PANX1: variants seen among roughly 807,000 people sequenced by gnomAD.
PANX1 encodes pannexin 1.
PANX1 carries 30 observed loss-of-function variants against 38.7 expected under a neutral mutation model. The ratio of observed to expected loss-of-function variants is 0.78; its 90% CI spans 0.58 to 1.05. The LOEUF is 1.05. PANX1 is among the 50% of genes least tolerant of loss of function. The pLI is 0.00. For missense variants in PANX1, 551 were observed against 517.2 expected (o/e 1.07, Z -0.63); for synonymous variants, 230 against 212.2 (o/e 1.08, Z -0.73).
chr11:94,163,649 A>G (rs1347075164), intron 2 of PANX1, among the ~76,000 whole-genome samples: 2 of 152,108 alleles, frequency 1.3e-5, no homozygotes, highest in East Asian at 3.9e-4. Flanking sequence ...GGATTTTTAT[A>G]TCTGTGTTCA....
At chr11:94,137,893 C>T (rs1446407674) in intron 1 of PANX1, among the ~76,000 whole-genome samples, 1 of 32,916 alleles carries the variant, frequency 3.0e-5, no homozygotes, top group Non-Finnish European at 5.2e-5. Flanking sequence ...TAAGTCAAGG[C>T]CATGTTACCA....
At chr11:94,179,556 G>C (rs1476812437) in intron 3 of PANX1, 46 bp from the exon 4 acceptor site, 2 of 1,386,902 alleles carry the variant, frequency 1.4e-6, no homozygotes, top group South Asian at 2.4e-5. Flanking sequence ...AATATTTGAT[G>C]GTCTTGATGA....
chr11:94,138,580 A>G (rs530706519), intron 1 of PANX1, among the ~76,000 whole-genome samples: 251 of 152,330 alleles, frequency 1.6e-3, no homozygotes, highest in Middle Eastern at 6.8e-3. Context: ...ACACAGGCAT[A>G]CAATGTGTAA....
intron 1 of PANX1, among the ~76,000 whole-genome samples, chr11:94,140,861 T>C (rs1260720990): frequency 2.0e-5 from 3 of 152,178 alleles, no homozygotes; most frequent in Admixed American, 6.5e-5. Context: ...ATAACATATT[T>C]TTATGAAAAA....
At chr11:94,178,021 C>G (rs777652357) in intron 2 of PANX1, among the ~76,000 whole-genome samples, 2 of 148,202 alleles carry the variant, frequency 1.3e-5, no homozygotes, top group Non-Finnish European at 3.1e-5. Context: ...CCAGCAGAAG[C>G]CTTCGTGATA....
intron 2 of PANX1, among the ~76,000 whole-genome samples, chr11:94,161,532 A>AT (rs1172014515): frequency 1.3e-5 from 2 of 152,048 alleles, no homozygotes; most frequent in Non-Finnish European, 2.9e-5. Flanking sequence ...AGGCTTGTGC[A>AT]TTTGTCAGGT....
chr11:94,170,165 T>A (rs1442821721), intron 2 of PANX1, among the ~76,000 whole-genome samples: 1 of 151,672 alleles, frequency 6.6e-6, no homozygotes, highest in Non-Finnish European at 1.5e-5. Flanking sequence ...TCTCCTGAAT[T>A]TTTCATCTTC....
chr11:94,144,180 G>A (rs1946798348), intron 1 of PANX1, among the ~76,000 whole-genome samples: 1 of 152,086 alleles, frequency 6.6e-6, no homozygotes, highest in African/African-American at 2.4e-5. Flanking sequence ...GCCTTAAATA[G>A]TCTGTTCCTT....
chr11:94,159,886 T>C (rs1403088550), intron 2 of PANX1, among the ~76,000 whole-genome samples: 10 of 151,846 alleles, frequency 6.6e-5, no homozygotes, highest in Non-Finnish European at 1.2e-4. Flanking sequence ...TTTCCCTCTA[T>C]ACACTGCTTT....
intron 2 of PANX1, among the ~76,000 whole-genome samples, chr11:94,172,645 A>T (rs1591524844): frequency 6.6e-6 from 1 of 151,758 alleles, no homozygotes; most frequent in African/African-American, 2.4e-5. Flanking sequence ...AACAGAGACC[A>T]TGTAGCTCTC....
intron 2 of PANX1, among the ~76,000 whole-genome samples, chr11:94,162,186 A>G (rs1947048711): frequency 6.6e-6 from 1 of 152,212 alleles, no homozygotes; most frequent in South Asian, 2.1e-4. Flanking sequence ...TTGAGGAGGC[A>G]GTCTGTCCAT....
At chr11:94,161,944 A>G (rs890436300) in intron 2 of PANX1, among the ~76,000 whole-genome samples, 7 of 152,018 alleles carry the variant, frequency 4.6e-5, no homozygotes, top group Non-Finnish European at 1.0e-4. Flanking sequence ...AACAGTCAGC[A>G]CCCTCAGCTG....
chr11:94,150,196 G>T (rs1565376447), intron 1 of PANX1, among the ~76,000 whole-genome samples: 1 of 151,924 alleles, frequency 6.6e-6, no homozygotes. Flanking sequence ...ATCATGTAAG[G>T]CATAGATCTG....
At chr11:94,160,611 A>G (rs576546631) in intron 2 of PANX1, among the ~76,000 whole-genome samples, 2 of 152,040 alleles carry the variant, frequency 1.3e-5, no homozygotes, top group South Asian at 2.1e-4. Flanking sequence ...TTTTGAGCCT[A>G]TGTTTGTCTC....
At chr11:94,148,038 G>A (rs767074211) in intron 1 of PANX1, among the ~76,000 whole-genome samples, 3 of 151,986 alleles carry the variant, frequency 2.0e-5, no homozygotes, top group Admixed American at 6.6e-5. Context: ...AGAAAGACCT[G>A]GTGAACCAAT....
chr11:94,175,892 A>G (rs1947227050), intron 2 of PANX1: 2 of 984,668 alleles, frequency 2.0e-6, no homozygotes, highest in Admixed American at 1.2e-4. Context: ...TGTCTTGGTA[A>G]GAGGGCTTTG....
At chr11:94,175,706 T>C (rs882937) in intron 2 of PANX1, 543,185 of 978,256 alleles carry the variant, frequency 0.56, 152,404 homozygotes, top group South Asian at 0.66. Flanking sequence ...GGCACCCTTC[T>C]GATTGGGCAA....
In PANX1 at chr11:94,128,903, A is replaced by C; in HGVS notation, c.-410A>C. On this transcript the variant is annotated 5_prime_UTR_variant, in exon 1 of 5. Transcript: ENST00000227638. ...CGCAGCTGGCTGTGAGCGCAGGGCTATCCCGGCGGCCGCTTCGGCAGCCAG... is the reference window on the plus strand; with the variant it reads ...CGCAGCTGGCTGTGAGCGCAGGGCTCTCCCGGCGGCCGCTTCGGCAGCCAG... 1.3e-5 allele frequency: 2 copies of C among 155,056 alleles called. No homozygotes were observed. Among genetic ancestry groups the C allele is most frequent in the Non-Finnish European group, 2.8e-5 (2 of 70,252 alleles). 9.6% of individuals were successfully genotyped at this position (155,056 alleles called of 1,614,324 possible).
At position 94,175,779 on chromosome 11, in the gene PANX1, A is replaced by C. The variant is rs939270307; in HGVS notation, c.322-2590A>C. 6.1e-6 allele frequency: 6 copies of C among 984,704 alleles called. No individual in the cohort carries two copies. The African/African-American group carries it at 8.8e-5, about 14-fold the overall frequency. 61.0% of individuals were successfully genotyped at this position (984,704 alleles called of 1,614,324 possible). On this transcript the variant is annotated intron_variant, in intron 2 of 4. Coordinates refer to ENST00000227638, the MANE Select transcript of PANX1 (RefSeq NM_015368.4). ...TGAATTATGCAGCCAAAATTCAGCT[A>C]ATCACAGCCTGCTTTGTGTGTCATT... is the stretch of plus-strand genomic sequence containing the variant.
Sources: gnomAD v4.1 joint callset for allele counts (sites outside exome capture counted in the v4.1 genomes callset) on GRCh38, gnomAD v4.1.1 for gene constraint, MANE v1.5 for transcripts, NCBI Gene and HGNC (gene_info 2026-07-23, HGNC 2026-07-21) for gene names.